Variants in MAP2K4 observed in about 807,000 individuals in gnomAD.
MAP2K4 encodes the protein mitogen-activated protein kinase kinase 4, also known as dual specificity mitogen-activated protein kinase kinase 4.
Under a neutral mutation model 48.5 loss-of-function variants are expected in MAP2K4, and 4 were observed. The observed-to-expected ratio is 0.08, with a 90% CI of 0.04 to 0.19. MAP2K4 has a LOEUF of 0.19. MAP2K4 is among the 10% of genes least tolerant of loss of function. MAP2K4 has a pLI of 1.00. For missense variants in MAP2K4, 258 were observed against 493.3 expected, an observed-to-expected ratio of 0.52 and a Z score of 4.52; for synonymous variants, 166 against 173.1, an observed-to-expected ratio of 0.96 and a Z score of 0.32.
intron 1 of MAP2K4, among the ~76,000 whole-genome samples, chr17:12,037,490 C>T (rs1013022249): frequency 1.6e-4 from 24 of 152,000 alleles, no homozygotes; most frequent in African/African-American, 5.6e-4. Flanking sequence ...TCTGATTCCT[C>T]GTTTTATGTA....
chr17:12,042,843 C>T (rs1294307625), intron 1 of MAP2K4, among the ~76,000 whole-genome samples: 4 of 151,982 alleles, frequency 2.6e-5, no homozygotes, highest in Non-Finnish European at 4.4e-5. Flanking sequence ...GTCAGGAGAT[C>T]GAGACCATCC....
intron 7 of MAP2K4, 99 bp from the exon 8 acceptor site, chr17:12,125,195 A>G: frequency 2.5e-6 from 2 of 804,596 alleles, no homozygotes; most frequent in East Asian, 4.9e-5. Context: ...TCCTCTAGGA[A>G]TATACTGGCA....
At chr17:12,079,858 A>G (rs1318329959) in intron 2 of MAP2K4, among the ~76,000 whole-genome samples, 1 of 152,180 alleles carries the variant, frequency 6.6e-6, no homozygotes, top group Non-Finnish European at 1.5e-5. Flanking sequence ...TCCATCTTAA[A>G]AGATCAGTTC....
At chr17:12,021,329 C>T (rs1969038625) in intron 1 of MAP2K4, 1 of 169,840 alleles carries the variant, frequency 5.9e-6, no homozygotes, top group Non-Finnish European at 1.2e-5. Flanking sequence ...TTACCTGGCG[C>T]CCGCCCGGCC....
At chr17:12,115,625 G>T in intron 7 of MAP2K4, 1 of 743,218 alleles carries the variant, frequency 1.3e-6, no homozygotes. Context: ...GCTATAGAAA[G>T]CACAATTGGT....
chr17:12,104,710 A>G (rs1343279952), intron 4 of MAP2K4, among the ~76,000 whole-genome samples: 2 of 151,930 alleles, frequency 1.3e-5, no homozygotes, highest in Admixed American at 6.6e-5. Context: ...AACTTTTGGT[A>G]TGTTGTCCTT....
intron 1 of MAP2K4, among the ~76,000 whole-genome samples, chr17:12,026,609 A>G (rs1464999004): frequency 6.6e-6 from 1 of 152,206 alleles, no homozygotes; most frequent in Non-Finnish European, 1.5e-5. Flanking sequence ...GGTTTTAACC[A>G]CCTGGGTGAC....
intron 3 of MAP2K4, among the ~76,000 whole-genome samples, chr17:12,094,969 A>G (rs910600455): frequency 6.6e-6 from 1 of 152,172 alleles, no homozygotes; most frequent in Non-Finnish European, 1.5e-5. Context: ...TTTTTAATGT[A>G]TAGAAAGTGC....
In MAP2K4 at chr17:12,143,656, A is replaced by C. The variant is rs551297905; in HGVS notation, c.*2396A>C. 2 of 230,924 alleles carry C rather than the reference A, an allele frequency of 8.7e-6. No homozygotes were observed. Among genetic ancestry groups the C allele is most frequent in the African/African-American group, 4.4e-5 (2 of 45,340 alleles). The allele number at this position is 230,924 out of a possible 1,614,324, so 14.3% of individuals were successfully genotyped here. A position where few individuals can be genotyped will look rare whatever the true frequency, so the allele number is the denominator to read the frequency against. ...TTCCTCCTCTATTTAAGATATATAC[A>C]TGGAATCGAAGTGTTTATGTAATAG... On this transcript the variant is annotated 3_prime_UTR_variant, in exon 11 of 11. Transcript: ENST00000353533.
intron 1 of MAP2K4, among the ~76,000 whole-genome samples, chr17:12,054,206 G>A (rs1332835979): frequency 6.6e-6 from 1 of 152,086 alleles, no homozygotes; most frequent in Non-Finnish European, 1.5e-5. Context: ...GAGATACTTG[G>A]ATTGATAAGT....
At chr17:12,026,429 C>G (rs1368034189) in intron 1 of MAP2K4, among the ~76,000 whole-genome samples, 2 of 152,080 alleles carry the variant, frequency 1.3e-5, no homozygotes, top group African/African-American at 4.8e-5. Flanking sequence ...TCCAATGATA[C>G]AACCTGAGAA....
At chr17:12,128,001 T>C (rs1972904067) in intron 8 of MAP2K4, among the ~76,000 whole-genome samples, 1 of 152,242 alleles carries the variant, frequency 6.6e-6, no homozygotes, top group South Asian at 2.1e-4. Context: ...CACCTGTCAG[T>C]GCATGTAAAA....
intron 1 of MAP2K4, among the ~76,000 whole-genome samples, chr17:12,033,560 T>C (rs1003341781): frequency 1.3e-5 from 2 of 150,720 alleles, no homozygotes; most frequent in African/African-American, 5.0e-5. Flanking sequence ...ATTACTGTTA[T>C]GTCTCCCTTG....
chr17:12,051,926 A>T lies in MAP2K4; in HGVS notation c.116-2963A>T, dbSNP rs9898232. ...GGGAGAGGAGAAGATGCCTTTTTTT[A>T]AAAAAAAAAAAGCTCATGCCTCCAG... On this transcript the variant is annotated intron_variant, in intron 1 of 10. Coordinates refer to ENST00000353533, the MANE Select transcript of MAP2K4 (RefSeq NM_003010.4). Among the ~76,000 whole-genome samples, 389 of 141,680 alleles carry T rather than the reference A, an allele frequency of 2.7e-3. 2 individuals carry two copies. Among genetic ancestry groups the T allele is most frequent in the African/African-American group, 7.3e-3 (279 of 38,090 alleles). The allele number at this position is 141,680 out of a possible 152,430, so 92.9% of individuals were successfully genotyped here. A position where few individuals can be genotyped will look rare whatever the true frequency, so the allele number is the denominator to read the frequency against.
At chr17:12,110,894 A>G (rs1028419832) in intron 6 of MAP2K4, 1 of 155,656 alleles carries the variant, frequency 6.4e-6, no homozygotes, top group East Asian at 1.9e-4. Flanking sequence ...AAATTTCTCT[A>G]AAGCATGTTG....
At chr17:12,023,411 T>G (rs1271248069) in intron 1 of MAP2K4, among the ~76,000 whole-genome samples, 1 of 152,194 alleles carries the variant, frequency 6.6e-6, no homozygotes, top group Admixed American at 6.5e-5. Context: ...GCCAAGGGTC[T>G]TCTTTTGCTT....
intron 2 of MAP2K4, among the ~76,000 whole-genome samples, chr17:12,068,457 A>T (rs1361944529): frequency 6.6e-6 from 1 of 152,192 alleles, no homozygotes; most frequent in Non-Finnish European, 1.5e-5. Context: ...TCATGACTTC[A>T]ATAGTATTAA....
chr17:12,136,942 C>T (rs1281858404), intron 9 of MAP2K4, among the ~76,000 whole-genome samples: 1 of 151,960 alleles, frequency 6.6e-6, no homozygotes, highest in Admixed American at 6.5e-5. Flanking sequence ...CAGTTACTTC[C>T]TGGGCCACAG....
At chr17:12,134,950 T>C (rs919979223) in intron 9 of MAP2K4, among the ~76,000 whole-genome samples, 1 of 152,228 alleles carries the variant, frequency 6.6e-6, no homozygotes, top group Non-Finnish European at 1.5e-5. Flanking sequence ...TCACCCAGAC[T>C]GGAGTGCAGT....
Sources: gnomAD v4.1 joint callset for allele counts (sites outside exome capture counted in the v4.1 genomes callset) on GRCh38, gnomAD v4.1.1 for gene constraint, MANE v1.5 for transcripts, NCBI Gene and HGNC (gene_info 2026-07-23, HGNC 2026-07-21) for gene names.